The following YWHAZ variants were observed in gnomAD, a reference collection of about 807,000 sequenced individuals.
The protein encoded by YWHAZ is 14-3-3 protein zeta/delta.
For missense variants in YWHAZ, 79 were observed against 284.8 expected (o/e 0.28, Z 5.20); for synonymous variants, 87 against 103.6 (o/e 0.84, Z 0.97).
In YWHAZ at chr8:100,943,919, A is replaced by G. The variant is rs545612596; in HGVS notation, c.294+4677T>C. 5.3e-5 allele frequency among the ~76,000 whole-genome samples: 8 copies of G among 150,132 alleles called. No homozygotes were observed. In the South Asian group the frequency reaches 1.7e-3, roughly 32 times the overall value. On this transcript the variant is annotated intron_variant, in intron 2 of 5. Transcript: ENST00000395958. ...GGAGAATGGCGTGAGCCCGGAAGGC[A>G]GAGCTTGCAGTGAGCCGAGATCGTT...
At chr8:100,946,728 C>T (rs969637862) in intron 2 of YWHAZ, among the ~76,000 whole-genome samples, 10 of 151,840 alleles carry the variant, frequency 6.6e-5, no homozygotes, top group African/African-American at 2.4e-4. Flanking sequence ...CCTTTTTATT[C>T]CTAAAATTGA....
chr8:100,950,666 G>GC, intron 1 of YWHAZ: 1 of 890,854 alleles, frequency 1.1e-6, no homozygotes, highest in African/African-American at 1.8e-5. Context: ...GTGGGGGGGG[G>GC]GGAGAGATGG....
chr8:100,929,176 G>A (rs1256031820), intron 2 of YWHAZ, among the ~76,000 whole-genome samples: 1 of 151,786 alleles, frequency 6.6e-6, no homozygotes, highest in Non-Finnish European at 1.5e-5. Context: ...CAGAGTAACT[G>A]GGATATCCAT....
At chr8:100,951,733 G>A (rs1810804201) in intron 1 of YWHAZ, 196 bp downstream of exon 1, 1 of 985,352 alleles carries the variant, frequency 1.0e-6, no homozygotes, top group African/African-American at 1.7e-5. Context: ...AGGAGCCGGA[G>A]GCGGCCGCTA....
At chr8:100,943,878 T>G (rs1274577571) in intron 2 of YWHAZ, among the ~76,000 whole-genome samples, 1 of 150,850 alleles carries the variant, frequency 6.6e-6, no homozygotes, top group Non-Finnish European at 1.5e-5. Context: ...TCCCAGCTAC[T>G]CGGGAGGCTG....
chr8:100,949,815 CG>C (rs1457079203), intron 1 of YWHAZ, among the ~76,000 whole-genome samples: 1 of 152,224 alleles, frequency 6.6e-6, no homozygotes, highest in African/African-American at 2.4e-5. Context: ...CTCTTTCCCT[CG>C]CATTTTAGTT....
rs1332810642 is a variant in YWHAZ at position 100,918,175 on chromosome 8, T to C, written c.*2518A>G. On this transcript the variant is annotated 3_prime_UTR_variant, in exon 6 of 6. Transcript: ENST00000395958. ...CTGGACAACATGGTGAAACCCTGTC[T>C]CTACTAAAAACACAAAAATTAGCCA... The C allele has an allele frequency of 6.6e-6, 1 of 151,074 alleles. No homozygotes were observed. The highest frequency in any genetic ancestry group is 2.4e-5 in the African/African-American group (1 of 41,084). 9.4% of individuals were successfully genotyped at this position (151,074 alleles called of 1,614,324 possible).
chr8:100,944,732 T>A (rs1384159800), intron 2 of YWHAZ, among the ~76,000 whole-genome samples: 1 of 152,166 alleles, frequency 6.6e-6, no homozygotes, highest in Non-Finnish European at 1.5e-5. Context: ...ACTGAAAAGC[T>A]AAGATAAACA....
intron 2 of YWHAZ, among the ~76,000 whole-genome samples, chr8:100,940,011 A>T (rs1195013156): frequency 1.3e-5 from 2 of 149,004 alleles, no homozygotes; most frequent in Non-Finnish European, 3.0e-5. Context: ...GGACAGAGCG[A>T]GACTCCGCGC....
At chr8:100,932,761 G>C (rs535843184) in intron 2 of YWHAZ, among the ~76,000 whole-genome samples, 202 of 152,220 alleles carry the variant, frequency 1.3e-3, no homozygotes, top group Non-Finnish European at 2.1e-3. Flanking sequence ...TCAAATAACT[G>C]CAAGTGTTTT....
At chr8:100,951,163 C>A in intron 1 of YWHAZ, 1 of 985,058 alleles carries the variant, frequency 1.0e-6, no homozygotes. Flanking sequence ...AGGTCCCAGG[C>A]GAGCCCCACC....
intron 1 of YWHAZ, chr8:100,951,381 C>T: frequency 1.0e-6 from 1 of 979,870 alleles, no homozygotes; most frequent in South Asian, 4.7e-5. Flanking sequence ...GCCGCCGCAG[C>T]GCCCAGCGCG....
intron 1 of YWHAZ, chr8:100,950,700 G>C: frequency 3.0e-6 from 2 of 671,590 alleles, no homozygotes; most frequent in Non-Finnish European, 3.7e-6. Flanking sequence ...CCGACCCCGG[G>C]GCAGAGACGC....
At chr8:100,926,864 T>C (rs916174859) in intron 2 of YWHAZ, among the ~76,000 whole-genome samples, 1 of 152,220 alleles carries the variant, frequency 6.6e-6, no homozygotes, top group Non-Finnish European at 1.5e-5. Flanking sequence ...TTAAAAACAA[T>C]GGTTTTAAGA....
In YWHAZ at chr8:100,933,882, C is replaced by T. The variant is rs529518853; in HGVS notation, c.295-8843G>A. On this transcript the variant is annotated intron_variant, in intron 2 of 5. Coordinates refer to ENST00000395958, the MANE Select transcript of YWHAZ (RefSeq NM_145690.3). ...AAAAACTTAGCCTAGCGTGGCCAGG[C>T]GCGGTGGCTAACGCCTGTAATCCCA... is the stretch of plus-strand genomic sequence containing the variant. 7.2e-5 allele frequency among the ~76,000 whole-genome samples: 11 copies of T among 152,066 alleles called. No individual in the cohort carries two copies. The South Asian group carries it at 1.2e-3, about 17-fold the overall frequency.
chr8:100,944,503 T>A (rs1275264047), intron 2 of YWHAZ, among the ~76,000 whole-genome samples: 1 of 152,206 alleles, frequency 6.6e-6, no homozygotes, highest in African/African-American at 2.4e-5. Flanking sequence ...TTTACACTGC[T>A]TCCTCTCGGA....
intron 1 of YWHAZ, among the ~76,000 whole-genome samples, chr8:100,949,995 C>G (rs1235851735): frequency 6.6e-6 from 1 of 152,202 alleles, no homozygotes; most frequent in Non-Finnish European, 1.5e-5. Flanking sequence ...AGAAGGTGAA[C>G]AGAAGAGTCC....
chr8:100,939,379 G>A (rs1472961887), intron 2 of YWHAZ, among the ~76,000 whole-genome samples: 1 of 152,144 alleles, frequency 6.6e-6, no homozygotes, highest in Non-Finnish European at 1.5e-5. Flanking sequence ...AACATCTAAC[G>A]CTGGGCACGG....
intron 1 of YWHAZ, chr8:100,951,564 T>C (rs1810785507): frequency 1.0e-6 from 1 of 984,758 alleles, no homozygotes; most frequent in African/African-American, 1.8e-5. Flanking sequence ...AGGGTGGGGA[T>C]GGATCGCGGC....
Sources: gnomAD v4.1 joint callset for allele counts (sites outside exome capture counted in the v4.1 genomes callset) on GRCh38, gnomAD v4.1.1 for gene constraint, MANE v1.5 for transcripts, NCBI Gene and HGNC (gene_info 2026-07-23, HGNC 2026-07-21) for gene names.